Variants in COMMD1 observed in about 807,000 individuals in gnomAD.
COMMD1 encodes the protein COMM domain-containing protein 1.
COMMD1 carries 10 observed loss-of-function variants against 17.2 expected under a neutral mutation model. That is an observed-to-expected ratio of 0.58 (90% CI 0.36 to 0.99). The LOEUF (loss-of-function observed/expected upper bound fraction) is 0.99. Among genes scored for constraint, COMMD1 ranks in the 50% least tolerant of loss-of-function variants. COMMD1 has a pLI of 0.01. For missense variants in COMMD1, 270 were observed against 231.8 expected (o/e 1.17, Z -1.07); for synonymous variants, 97 against 91.6 (o/e 1.06, Z -0.34).
intron 2 of COMMD1, among the ~76,000 whole-genome samples, chr2:62,104,189 G>T (rs1407435388): frequency 6.6e-6 from 1 of 152,124 alleles, no homozygotes; most frequent in African/African-American, 2.4e-5. Flanking sequence ...ATATGGGTTA[G>T]CAATATTCAC....
At chr2:61,973,237 T>G (rs577101362) in intron 1 of COMMD1, among the ~76,000 whole-genome samples, 1 of 152,316 alleles carries the variant, frequency 6.6e-6, no homozygotes, top group South Asian at 2.1e-4. Flanking sequence ...GAACTCCTAG[T>G]CCCTAGGTAC....
chr2:61,888,701 T>G (rs1669325826), upstream of COMMD1: 2 of 605,500 alleles, frequency 3.3e-6, no homozygotes, highest in South Asian at 4.3e-5. Flanking sequence ...TAGGAGGCTG[T>G]CCGCTGCGCG....
At chr2:62,025,046 C>G (rs897005183) in intron 2 of COMMD1, among the ~76,000 whole-genome samples, 3 of 151,396 alleles carry the variant, frequency 2.0e-5, no homozygotes, top group Non-Finnish European at 2.9e-5. Context: ...GGCCAAGAAC[C>G]CTGTCTCTGC....
At chr2:61,910,265 T>C (rs1179482039) in intron 1 of COMMD1, among the ~76,000 whole-genome samples, 1 of 152,054 alleles carries the variant, frequency 6.6e-6, no homozygotes, top group East Asian at 1.9e-4. Context: ...CCCCCTTTTT[T>C]TTTAAGACGG....
chr2:61,900,463 C>A (rs1669634412), intron 1 of COMMD1, among the ~76,000 whole-genome samples: 1 of 152,226 alleles, frequency 6.6e-6, no homozygotes, highest in African/African-American at 2.4e-5. Flanking sequence ...AGACTGATGG[C>A]CTGCAGGCAT....
chr2:62,008,083 G>A (rs1669172253), intron 2 of COMMD1, among the ~76,000 whole-genome samples: 1 of 152,158 alleles, frequency 6.6e-6, no homozygotes. Context: ...TCGATAGAGT[G>A]AGGATCCCTT....
At chr2:61,930,415 G>A (rs1314724148) in intron 1 of COMMD1, among the ~76,000 whole-genome samples, 2 of 152,118 alleles carry the variant, frequency 1.3e-5, no homozygotes, top group African/African-American at 4.8e-5. Context: ...AATTAGCCAG[G>A]CGTGGTGGCA....
intron 2 of COMMD1, among the ~76,000 whole-genome samples, chr2:62,078,893 A>AT (rs1671436887): frequency 6.6e-6 from 1 of 151,980 alleles, no homozygotes; most frequent in African/African-American, 2.4e-5. Flanking sequence ...AAAAAAAAAA[A>AT]AGAATTGTGG....
At chr2:62,122,439 C>CTTTCTT (rs1558608550) in intron 2 of COMMD1, among the ~76,000 whole-genome samples, 3 of 136,580 alleles carry the variant, frequency 2.2e-5, no homozygotes, top group African/African-American at 6.1e-5. Context: ...AAGTTTCTTT[C>CTTTCTT]TTTTCTTTTT....
intron 1 of COMMD1, among the ~76,000 whole-genome samples, chr2:61,926,586 C>G (rs1032818063): frequency 6.6e-6 from 1 of 152,110 alleles, no homozygotes; most frequent in African/African-American, 2.4e-5. Context: ...ATATCATAAC[C>G]CCATGTCATA....
chr2:62,083,269 GA>G (rs34970249), intron 2 of COMMD1, among the ~76,000 whole-genome samples: 35 of 143,426 alleles, frequency 2.4e-4, no homozygotes, highest in South Asian at 4.4e-4. Context: ...TCTCAATTGA[GA>G]AAAAAAAAAA....
chr2:61,967,380 G>T (rs1671533148), intron 1 of COMMD1, among the ~76,000 whole-genome samples: 1 of 152,112 alleles, frequency 6.6e-6, no homozygotes, highest in Non-Finnish European at 1.5e-5. Flanking sequence ...CTTTCAGTTT[G>T]TATAATTACC....
At position 62,129,947 on chromosome 2, in the gene COMMD1, G is replaced by T. The variant is rs142708856; in HGVS notation, c.463-5884G>T. ...TCCCAGCACTTTGGGAGGCCGAGGC[G>T]GGTGGATCACGAGGTCAGGAGATCG... On this transcript the variant is annotated intron_variant, in intron 2 of 2. Coordinates refer to ENST00000311832, the MANE Select transcript of COMMD1 (RefSeq NM_152516.4). Among the ~76,000 whole-genome samples the T allele has an allele frequency of 1.7e-3, 256 of 152,196 alleles. 3 individuals carry two copies. The highest frequency in any genetic ancestry group is 5.8e-3 in the African/African-American group (243 of 41,542).
chr2:62,012,094 C>CA, intron 2 of COMMD1, among the ~76,000 whole-genome samples: 1 of 151,852 alleles, frequency 6.6e-6, no homozygotes, highest in Non-Finnish European at 1.5e-5. Context: ...CTAAAAAATA[C>CA]AAAAAAATTA....
intron 2 of COMMD1, among the ~76,000 whole-genome samples, chr2:62,060,937 C>A (rs1670839202): frequency 6.6e-6 from 1 of 151,808 alleles, no homozygotes; most frequent in South Asian, 2.1e-4. Context: ...TGGATAATTT[C>A]TTTCCATTTA....
chr2:61,972,308 G>A (rs1671670960), intron 1 of COMMD1, among the ~76,000 whole-genome samples: 1 of 152,024 alleles, frequency 6.6e-6, no homozygotes, highest in Admixed American at 6.5e-5. Flanking sequence ...TTCCCTTTTT[G>A]TGTGGAGGTG....
rs138838143 is a variant in COMMD1 at position 61,992,644 on chromosome 2, G to A, written c.181-8057G>A. On this transcript the variant is annotated intron_variant, in intron 1 of 2. Coordinates refer to ENST00000311832, the MANE Select transcript of COMMD1 (RefSeq NM_152516.4). The stretch of plus-strand genomic sequence containing the variant: ...CAACTCCCGTTTCTTGGGTATTGAA[G>A]GATGCCGAACATCCCTAGCTCATGC... Among the ~76,000 whole-genome samples the A allele has an allele frequency of 1.6e-4, 25 of 152,290 alleles. No individual in the cohort carries two copies. In the East Asian group the frequency reaches 4.8e-3, roughly 29 times the overall value.
chr2:61,988,544 A>G (rs529116163), intron 1 of COMMD1, among the ~76,000 whole-genome samples: 32 of 152,206 alleles, frequency 2.1e-4, no homozygotes, highest in African/African-American at 7.7e-4. Flanking sequence ...GTTGCATAAC[A>G]AAGTCTTCTC....
upstream of COMMD1, chr2:61,888,629 G>A: frequency 8.1e-7 from 1 of 1,228,404 alleles, no homozygotes; most frequent in Non-Finnish European, 1.1e-6. Context: ...AGCGGCGCCG[G>A]CGTCGGGAGG....
Sources: allele counts gnomAD v4.1 joint callset (sites outside exome capture counted in the v4.1 genomes callset), GRCh38; gene constraint gnomAD v4.1.1; transcripts MANE v1.5; gene names NCBI Gene and HGNC (gene_info 2026-07-23, HGNC 2026-07-21).